Variants in PSMB2 observed in about 807,000 individuals in gnomAD.
The protein encoded by PSMB2 is proteasome 20S subunit beta 2, also known as proteasome subunit beta type-2.
PSMB2 carries 13 observed loss-of-function variants against 25.7 expected under a neutral mutation model. The ratio of observed to expected loss-of-function variants is 0.51; its 90% CI spans 0.33 to 0.80. The LOEUF (loss-of-function observed/expected upper bound fraction) is 0.80, where lower values mean the gene tolerates loss of function less well. Ranked by LOEUF, PSMB2 falls within the 30% of genes least tolerant of loss-of-function variation. The pLI, the probability that PSMB2 is intolerant of heterozygous loss-of-function variation, is 0.02. For missense variants in PSMB2, 202 were observed against 259.0 expected (o/e 0.78, Z 1.51); for synonymous variants, 87 against 96.2 (o/e 0.90, Z 0.56).
At chr1:35,613,378 A>G (rs893705329) in intron 3 of PSMB2, among the ~76,000 whole-genome samples, 62 of 136,696 alleles carry the variant, frequency 4.5e-4, no homozygotes, top group African/African-American at 1.5e-3. Context: ...TCTCTATGGG[A>G]AAAAAAAAAA....
chr1:35,627,128 T>C (rs1650887920), intron 3 of PSMB2, among the ~76,000 whole-genome samples: 1 of 151,332 alleles, frequency 6.6e-6, no homozygotes, highest in Non-Finnish European at 1.5e-5. Flanking sequence ...AATACCAGCA[T>C]GGTGGCTTGG....
intron 3 of PSMB2, among the ~76,000 whole-genome samples, chr1:35,621,834 A>G (rs1159076027): frequency 6.6e-6 from 1 of 152,100 alleles, no homozygotes; most frequent in East Asian, 1.9e-4. Context: ...CATCTCTACT[A>G]AAAATACAAA....
At chr1:35,604,278 A>C (rs1478620426) in intron 5 of PSMB2, among the ~76,000 whole-genome samples, 2 of 152,106 alleles carry the variant, frequency 1.3e-5, no homozygotes, top group African/African-American at 4.8e-5. Context: ...GACTCTAAGG[A>C]GTAGTGTTAG....
intron 3 of PSMB2, among the ~76,000 whole-genome samples, chr1:35,617,654 G>A (rs1642194758): frequency 6.6e-6 from 1 of 152,200 alleles, no homozygotes; most frequent in African/African-American, 2.4e-5. Context: ...TAAGGTAGAT[G>A]TGGATAGGAA....
intron 3 of PSMB2, among the ~76,000 whole-genome samples, chr1:35,625,316 A>G (rs2148572510): frequency 6.6e-6 from 1 of 152,340 alleles, no homozygotes; most frequent in East Asian, 1.9e-4. Context: ...CACATCATGG[A>G]GGCCAGCATC....
At chr1:35,605,417 G>C (rs1354932282) in intron 4 of PSMB2, 135 bp from the exon 5 acceptor site, 1 of 868,362 alleles carries the variant, frequency 1.2e-6, no homozygotes, top group African/African-American at 1.7e-5. Flanking sequence ...AAAATGCTTT[G>C]CCTTCTAGCC....
At chr1:35,640,060 A>ATATTATAC (rs1651349359) in intron 1 of PSMB2, among the ~76,000 whole-genome samples, 1 of 147,246 alleles carries the variant, frequency 6.8e-6, no homozygotes, top group East Asian at 2.0e-4. Flanking sequence ...AAGTACTATA[A>ATATTATAC]TATACTATAC....
chr1:35,600,274 T>C lies in PSMB2; in HGVS notation c.*2993A>G, dbSNP rs1303402800. The C allele has an allele frequency of 5.1e-6, 5 of 980,586 alleles. No individual in the cohort carries two copies. Among genetic ancestry groups the C allele is most frequent in the African/African-American group, 3.5e-5 (2 of 57,144 alleles). The allele number at this position is 980,586 out of a possible 1,614,324, so 60.7% of individuals were successfully genotyped here. On this transcript the variant is annotated 3_prime_UTR_variant, in exon 6 of 6. Coordinates refer to ENST00000373237, the MANE Select transcript of PSMB2 (RefSeq NM_002794.5). ...TGATGCCCAGCTAAATGCAATGTTG[T>C]ATCTTGGATTATATCCTAGAACAGA... is the stretch of plus-strand genomic sequence containing the variant.
rs1649951381 is a variant in PSMB2 at position 35,600,259 on chromosome 1, C to A, written c.*3008G>T. 1.0e-5 allele frequency: 10 copies of A among 984,886 alleles called. No homozygotes were observed. The highest frequency in any genetic ancestry group is 1.1e-5 in the Non-Finnish European group (9 of 829,480). The allele number at this position is 984,886 out of a possible 1,614,324, so 61.0% of individuals were successfully genotyped here. On this transcript the variant is annotated 3_prime_UTR_variant, in exon 6 of 6. Transcript: ENST00000373237. Reference sequence around the variant, plus strand: ...AGAATGGCATAAAAATGATGCCCAGCTAAATGCAATGTTGTATCTTGGATT... The same window carrying A: ...AGAATGGCATAAAAATGATGCCCAGATAAATGCAATGTTGTATCTTGGATT...
intron 5 of PSMB2, among the ~76,000 whole-genome samples, chr1:35,604,008 C>G (rs941315049): frequency 8.9e-6 from 1 of 112,954 alleles, no homozygotes; most frequent in Non-Finnish European, 1.7e-5. Context: ...GCCTGGGCAA[C>G]AAAGTGAGAT....
chr1:35,610,986 T>G (rs1650312648), intron 3 of PSMB2, among the ~76,000 whole-genome samples: 1 of 152,090 alleles, frequency 6.6e-6, no homozygotes, highest in African/African-American at 2.4e-5. Context: ...TCCAAATGGA[T>G]GATTTTTTTT....
chr1:35,612,253 A>G (rs1344153457), intron 3 of PSMB2, among the ~76,000 whole-genome samples: 1 of 150,882 alleles, frequency 6.6e-6, no homozygotes, highest in Non-Finnish European at 1.5e-5. Context: ...AGTAAAGCTG[A>G]CCTTAGGCAA....
chr1:35,636,346 T>C lies in PSMB2; in HGVS notation c.178A>G (p.Ile60Val). Residue 60 changes from isoleucine (I) to valine (V), a missense_variant, in exon 2 of 6, where the codon ATT becomes GTT. By Grantham distance (29) the Ile-to-Val change is conservative. Transcript: ENST00000373237. ...TTATAAAGTTGCACGTTTTTCTGAA[T>C]ATATTCTGCAAACTGTACAGTGTCT... Reference protein sequence around the residue: ...AGDTVQFAEYIQKNVQLYKMR... With the variant: ...AGDTVQFAEYVQKNVQLYKMR... The C allele has an allele frequency of 6.2e-7, 1 of 1,614,176 alleles. No individual in the cohort carries two copies. The highest frequency in any genetic ancestry group is 8.5e-7 in the Non-Finnish European group (1 of 1,180,016).
At chr1:35,622,216 T>A (rs1650710006) in intron 3 of PSMB2, among the ~76,000 whole-genome samples, 1 of 152,078 alleles carries the variant, frequency 6.6e-6, no homozygotes, top group Non-Finnish European at 1.5e-5. Flanking sequence ...TATTCCTACA[T>A]GATCTTGGGC....
chr1:35,611,633 G>T (rs1650346096), intron 3 of PSMB2, among the ~76,000 whole-genome samples: 2 of 152,122 alleles, frequency 1.3e-5, no homozygotes, highest in Admixed American at 1.3e-4. Flanking sequence ...AGACCAGCCT[G>T]GCCAACATGG....
chr1:35,631,204 A>G, intron 3 of PSMB2, 70 bp downstream of exon 3: 1 of 1,505,674 alleles, frequency 6.6e-7, no homozygotes, highest in Non-Finnish European at 9.2e-7. Flanking sequence ...CTACTCATGT[A>G]TAATGAGAAT....
chr1:35,613,382 A>C (rs1650394352), intron 3 of PSMB2, among the ~76,000 whole-genome samples: 1 of 151,990 alleles, frequency 6.6e-6, no homozygotes, highest in Non-Finnish European at 1.5e-5. Flanking sequence ...TATGGGAAAA[A>C]AAAAAAAAAA....
intron 3 of PSMB2, among the ~76,000 whole-genome samples, chr1:35,619,360 A>G (rs1167640290): frequency 6.6e-6 from 1 of 152,240 alleles, no homozygotes; most frequent in Non-Finnish European, 1.5e-5. Context: ...CATAAGTCAT[A>G]TAAGATAGGC....
intron 3 of PSMB2, among the ~76,000 whole-genome samples, chr1:35,624,001 G>A (rs1650773919): frequency 1.3e-5 from 2 of 152,112 alleles, no homozygotes; most frequent in South Asian, 4.1e-4. Flanking sequence ...AGAATAGAAG[G>A]CTCAAAGCAA....
Sources: allele counts gnomAD v4.1 joint callset (sites outside exome capture counted in the v4.1 genomes callset), GRCh38; gene constraint gnomAD v4.1.1; transcripts MANE v1.5; gene names NCBI Gene and HGNC (gene_info 2026-07-23, HGNC 2026-07-21).